Variants in FGF13 observed in about 807,000 individuals in gnomAD.
FGF13 encodes fibroblast growth factor 13.
Under a neutral mutation model 19.5 loss-of-function variants are expected in FGF13, and 2 were observed. That is an observed-to-expected ratio of 0.10 (90% confidence interval 0.04 to 0.32). The LOEUF (loss-of-function observed/expected upper bound fraction) is 0.32. FGF13 is among the 10% of genes least tolerant of loss of function. FGF13 has a pLI of 1.00. For synonymous variants in FGF13, 72 were observed against 76.9 expected, an observed-to-expected ratio of 0.94 and a Z score of 0.33; for missense variants, 113 against 192.7, an observed-to-expected ratio of 0.59 and a Z score of 2.45.
chrX:139,008,116 A>C (rs1261148859), intron 1 of FGF13, among the ~76,000 whole-genome samples: 1 of 111,929 alleles, frequency 8.9e-6, no homozygotes, highest in African/African-American at 3.2e-5. Flanking sequence ...ACTGGGAACC[A>C]CACCCCCTTC....
intron 1 of FGF13, among the ~76,000 whole-genome samples, chrX:139,084,130 G>A (rs2083388874): frequency 9.1e-6 from 1 of 109,361 alleles, no homozygotes; most frequent in African/African-American, 3.3e-5. Context: ...TAGCATACGT[G>A]ATACATACCA....
At chrX:138,765,377 T>C (rs2090495323) in intron 3 of FGF13, among the ~76,000 whole-genome samples, 5 of 111,667 alleles carry the variant, frequency 4.5e-5, no homozygotes, top group Admixed American at 3.8e-4. Context: ...TTCAGATAGA[T>C]TTCTGTGGTC....
chrX:138,955,004 G>C (rs773514846), intron 1 of FGF13, among the ~76,000 whole-genome samples: 1 of 112,473 alleles, frequency 8.9e-6, no homozygotes, highest in South Asian at 3.7e-4. Context: ...TGCATCAGTG[G>C]TTCCCACACT....
At chrX:138,992,302 G>A (rs183617017) in intron 1 of FGF13, among the ~76,000 whole-genome samples, 10 of 111,381 alleles carry the variant, frequency 9.0e-5, no homozygotes, top group East Asian at 8.5e-4. Flanking sequence ...TTTGTTTATC[G>A]TGTTTTATAG....
At chrX:139,069,703 A>G (rs1201924109) in intron 1 of FGF13, among the ~76,000 whole-genome samples, 2 of 112,406 alleles carry the variant, frequency 1.8e-5, no homozygotes, top group East Asian at 5.6e-4. Flanking sequence ...ACAAAGCTGG[A>G]GGCATCACGC....
chrX:138,820,898 C>T (rs1195406943), intron 3 of FGF13, among the ~76,000 whole-genome samples: 1 of 111,173 alleles, frequency 9.0e-6, no homozygotes, highest in Non-Finnish European at 1.9e-5. Context: ...CAGGGAAATA[C>T]ATGAGGGGTG....
intron 1 of FGF13, among the ~76,000 whole-genome samples, chrX:138,911,531 G>C (rs2091587942): frequency 9.0e-6 from 1 of 110,693 alleles, no homozygotes; most frequent in Non-Finnish European, 1.9e-5. Context: ...TAATACCTGA[G>C]TGATGAAATA....
At position 138,711,221 on chromosome X, in the gene FGF13, C is replaced by T. The variant is rs868732134; in HGVS notation, c.-218G>A. Reference sequence around the variant, plus strand: ...GGCGGCGGTCCGGCTCCCGCGCGGGCTGCTGGCTGCCTGGGTCGGAGTCGA... The same window carrying T: ...GGCGGCGGTCCGGCTCCCGCGCGGGTTGCTGGCTGCCTGGGTCGGAGTCGA... On this transcript the variant is annotated 5_prime_UTR_variant, in exon 1 of 5. Coordinates refer to ENST00000315930, the MANE Select transcript of FGF13 (RefSeq NM_004114.5). 6.5e-5 allele frequency: 68 copies of T among 1,053,799 alleles called. No homozygotes were observed. The highest frequency in any genetic ancestry group is 7.8e-5 in the Non-Finnish European group (64 of 825,242). The allele number at this position is 1,053,799 out of a possible 1,213,427, so 86.8% of individuals were successfully genotyped here.
chrX:139,191,326 T>G (rs1428933893), intron 1 of FGF13, among the ~76,000 whole-genome samples: 1 of 112,524 alleles, frequency 8.9e-6, no homozygotes, highest in East Asian at 2.8e-4. Context: ...GAAAAGAAGA[T>G]GAACTGCCTT....
At chrX:138,721,874 A>G (rs1164388746) in intron 1 of FGF13, among the ~76,000 whole-genome samples, 1 of 110,652 alleles carries the variant, frequency 9.0e-6, no homozygotes, top group Non-Finnish European at 1.9e-5. Flanking sequence ...GTTTGATAAT[A>G]TGTCTATTTT....
chrX:138,894,752 A>G (rs1293874089), intron 1 of FGF13, among the ~76,000 whole-genome samples: 1 of 111,557 alleles, frequency 9.0e-6, no homozygotes, highest in Non-Finnish European at 1.9e-5. Context: ...AGCTGGTACC[A>G]TTCCTTCTGA....
intron 3 of FGF13, among the ~76,000 whole-genome samples, chrX:138,851,065 G>C (rs2091218469): frequency 9.0e-6 from 1 of 111,494 alleles, no homozygotes; most frequent in African/African-American, 3.3e-5. Context: ...CAAAGGACAT[G>C]ATCTCGTTCC....
intron 1 of FGF13, among the ~76,000 whole-genome samples, chrX:139,197,945 G>T (rs1158443894): frequency 4.4e-5 from 4 of 91,884 alleles, no homozygotes; most frequent in Non-Finnish European, 6.2e-5. Flanking sequence ...AGTGAGCGGA[G>T]ATTGTGCCAC....
intron 3 of FGF13, among the ~76,000 whole-genome samples, chrX:138,692,208 A>G (rs1217801701): frequency 9.0e-6 from 1 of 111,697 alleles, no homozygotes; most frequent in Non-Finnish European, 1.9e-5. Flanking sequence ...GCTTTATTAT[A>G]TACATCTCTA....
chrX:139,017,971 G>T (rs1054892648), intron 1 of FGF13, among the ~76,000 whole-genome samples: 1 of 111,911 alleles, frequency 8.9e-6, no homozygotes, highest in Admixed American at 9.5e-5. Flanking sequence ...TGAAAGTTCA[G>T]AATAAATCTA....
intron 3 of FGF13, among the ~76,000 whole-genome samples, chrX:138,822,406 C>T (rs2091005465): frequency 8.9e-6 from 1 of 111,821 alleles, no homozygotes; most frequent in Non-Finnish European, 1.9e-5. Context: ...AGGGTCATTT[C>T]ATATGGGCAG....
At chrX:139,005,075 T>C (rs768898158) in intron 1 of FGF13, among the ~76,000 whole-genome samples, 1 of 109,399 alleles carries the variant, frequency 9.1e-6, no homozygotes, top group South Asian at 4.0e-4. Flanking sequence ...TGAACAAACA[T>C]AGATGGAAGA....
rs145600065 is a variant in FGF13, at chrX:138,653,168, C to T, written c.403-17513G>A. ...TGGGCATCTCAGGCTGAGCACATAC[C>T]GTACAGATGGGTTCATGGTTCATTC... On this transcript the variant is annotated intron_variant, in intron 3 of 4. Transcript: ENST00000315930. 6.6e-3 allele frequency among the ~76,000 whole-genome samples: 734 copies of T among 111,378 alleles called. 12 individuals are homozygous for T. Among genetic ancestry groups the T allele is most frequent in the African/African-American group, 0.023 (709 of 30,694 alleles).
At chrX:138,988,090 T>C (rs554883409) in intron 1 of FGF13, among the ~76,000 whole-genome samples, 3 of 112,137 alleles carry the variant, frequency 2.7e-5, no homozygotes, top group East Asian at 5.6e-4. Flanking sequence ...ACTCACTATA[T>C]TATCTTTCAC....
Sources: allele counts gnomAD v4.1 joint callset (sites outside exome capture counted in the v4.1 genomes callset), GRCh38; gene constraint gnomAD v4.1.1; transcripts MANE v1.5; gene names NCBI Gene and HGNC (gene_info 2026-07-23, HGNC 2026-07-21).